Variants in FAM76A observed in about 807,000 individuals in gnomAD.
FAM76A encodes the protein family with sequence similarity 76 member A.
Under a neutral mutation model 46.2 loss-of-function variants are expected in FAM76A, and 32 were observed. The observed-to-expected ratio is 0.69, with a 90% CI of 0.52 to 0.93. The LOEUF is 0.93. FAM76A is among the 40% of genes least tolerant of loss of function. FAM76A has a pLI of 0.00. For synonymous variants in FAM76A, 137 were observed against 127.0 expected, an observed-to-expected ratio of 1.08 and a Z score of -0.53; for missense variants, 274 against 361.5, an observed-to-expected ratio of 0.76 and a Z score of 1.96.
chr1:27,754,854 G>A (rs1359769622), intron 6 of FAM76A, among the ~76,000 whole-genome samples: 1 of 152,168 alleles, frequency 6.6e-6, no homozygotes. Flanking sequence ...ACAAAAATTA[G>A]GATGGTTTTT....
intron 4 of FAM76A, 38 bp from the exon 5 acceptor site, chr1:27,744,616 A>G: frequency 6.2e-7 from 1 of 1,609,454 alleles, no homozygotes; most frequent in Non-Finnish European, 8.5e-7. Context: ...CACTGCGCTA[A>G]ATTCCCTCTT....
intron 7 of FAM76A, among the ~76,000 whole-genome samples, chr1:27,756,039 A>C (rs2088404520): frequency 6.6e-6 from 1 of 152,222 alleles, no homozygotes; most frequent in Non-Finnish European, 1.5e-5. Flanking sequence ...TAGAGTTGGG[A>C]CACGAGGAGG....
chr1:27,744,240 T>C (rs1169388888), intron 4 of FAM76A, among the ~76,000 whole-genome samples: 2 of 152,164 alleles, frequency 1.3e-5, no homozygotes, highest in Non-Finnish European at 2.9e-5. Context: ...GCGATTCTTC[T>C]GCCTCAGCCT....
chr1:27,740,587 T>TA (rs2088134666), intron 4 of FAM76A: 2 of 922,982 alleles, frequency 2.2e-6, no homozygotes, highest in Non-Finnish European at 3.4e-6. Flanking sequence ...TGTTAAGAAA[T>TA]ATATGTTCAG....
intron 4 of FAM76A, among the ~76,000 whole-genome samples, chr1:27,743,505 C>T (rs2088189981): frequency 6.6e-6 from 1 of 152,158 alleles, no homozygotes; most frequent in African/African-American, 2.4e-5. Context: ...TGGCTCACGC[C>T]TGTAAGTTCA....
intron 4 of FAM76A, chr1:27,739,894 A>G (rs1405253412): frequency 5.2e-6 from 1 of 193,644 alleles, no homozygotes; most frequent in Admixed American, 5.5e-5. Context: ...ATGAGAAACC[A>G]TTGGGTTTTA....
chr1:27,727,147 G>A (rs1190389145), intron 1 of FAM76A, among the ~76,000 whole-genome samples: 2 of 152,178 alleles, frequency 1.3e-5, no homozygotes, highest in South Asian at 2.1e-4. Context: ...CATTTCACAA[G>A]TAAACCGCAA....
Position 27,759,610 on chromosome 1 carries a change from G to C in FAM76A, c.820G>C (p.Val274Leu). The C allele has an allele frequency of 1.2e-6, 2 of 1,613,254 alleles. No homozygotes were observed. The highest frequency in any genetic ancestry group is 1.7e-6 in the Non-Finnish European group (2 of 1,179,554). The change falls in exon 8 of 9, where the codon GTC (valine) becomes CTC (leucine). Residue 274 changes from valine to leucine, a missense_variant. Transcript: ENST00000373954. ...MNQMEKTHKE[V>L]TEQLQAKNRE... Reference sequence around the variant, plus strand: ...CCAGATGGAGAAAACCCACAAAGAAGTCACAGAACAACTGCAGGTGACTGA... The same window carrying C: ...CCAGATGGAGAAAACCCACAAAGAACTCACAGAACAACTGCAGGTGACTGA...
At chr1:27,741,696 C>A (rs1341043748) in intron 4 of FAM76A, among the ~76,000 whole-genome samples, 2 of 151,850 alleles carry the variant, frequency 1.3e-5, no homozygotes, top group African/African-American at 4.8e-5. Context: ...GCCTGGCCAA[C>A]GTGGTGAAAC....
rs903975588 is a variant in FAM76A, at chr1:27,762,110, C to T, written c.*1529C>T. 3.3e-5 allele frequency: 5 copies of T among 152,208 alleles called. No homozygotes were observed. The highest frequency in any genetic ancestry group is 6.5e-5 in the Admixed American group (1 of 15,280). 9.4% of individuals were successfully genotyped at this position (152,208 alleles called of 1,614,324 possible). A position where few individuals can be genotyped will look rare whatever the true frequency, so the allele number is the denominator to read the frequency against. On this transcript the variant is annotated 3_prime_UTR_variant, in exon 9 of 9. Coordinates refer to ENST00000373954, the MANE Select transcript of FAM76A (RefSeq NM_152660.3). Reference sequence around the variant, plus strand: ...CCTCACCCACCCGAGCCCATACACTCCCTGCTTTTCATGGATATGTATTGA... The same window carrying T: ...CCTCACCCACCCGAGCCCATACACTTCCTGCTTTTCATGGATATGTATTGA...
chr1:27,757,728 C>G (rs112882842), intron 7 of FAM76A, among the ~76,000 whole-genome samples: 24,591 of 151,876 alleles, frequency 0.16, 5,178 homozygotes, highest in African/African-American at 0.48. Context: ...TGTAATCCCA[C>G]CATTTTGGGA....
intron 2 of FAM76A, among the ~76,000 whole-genome samples, chr1:27,729,290 C>G (rs2087916213): frequency 6.6e-6 from 1 of 151,890 alleles, no homozygotes; most frequent in African/African-American, 2.4e-5. Flanking sequence ...TCACTGCAAC[C>G]TCCCCTCTCC....
rs183454914 is a variant in FAM76A, at chr1:27,736,182, C to T, written c.354+1999C>T. On this transcript the variant is annotated intron_variant, in intron 4 of 8. Coordinates refer to ENST00000373954, the MANE Select transcript of FAM76A (RefSeq NM_152660.3). ...CAAAAATATAAAAAAATTAACCGGG[C>T]GTGGTGGCGCACACCTGTAATCCCA... 3.4e-3 allele frequency among the ~76,000 whole-genome samples: 517 copies of T among 152,038 alleles called. 3 individuals carry two copies. Among genetic ancestry groups the T allele is most frequent in the African/African-American group, 0.012 (487 of 41,484 alleles).
chr1:27,737,789 T>C (rs541397529), intron 4 of FAM76A, among the ~76,000 whole-genome samples: 64 of 127,176 alleles, frequency 5.0e-4, no homozygotes, highest in African/African-American at 1.7e-3. Context: ...GAGGCAGAGG[T>C]TGCAGTGAGC....
chr1:27,729,260 T>C (rs1176527879), intron 2 of FAM76A, among the ~76,000 whole-genome samples: 2 of 151,712 alleles, frequency 1.3e-5, no homozygotes, highest in Non-Finnish European at 1.5e-5. Flanking sequence ...CAAGCTGGAG[T>C]GCAGTGAGAT....
chr1:27,762,850 T>G lies in FAM76A; in HGVS notation c.*2269T>G, dbSNP rs1432213116. ...ACTTAGTTTTATACTAAATCTTTTT[T>G]TAAGGTCTTGGCATTTAATATAAAG... is the stretch of plus-strand genomic sequence containing the variant. On this transcript the variant is annotated 3_prime_UTR_variant, in exon 9 of 9. Transcript: ENST00000373954. The G allele has an allele frequency of 6.6e-6, 1 of 152,194 alleles. No homozygotes were observed. The highest frequency in any genetic ancestry group is 1.9e-4 in the East Asian group (1 of 5,192). The allele number at this position is 152,194 out of a possible 1,614,324, so 9.4% of individuals were successfully genotyped here.
At chr1:27,753,287 G>T (rs1204561946) in intron 6 of FAM76A, among the ~76,000 whole-genome samples, 2 of 152,208 alleles carry the variant, frequency 1.3e-5, no homozygotes, top group Non-Finnish European at 2.9e-5. Context: ...CCTCTCACAA[G>T]AAGCAGGAAG....
intron 3 of FAM76A, among the ~76,000 whole-genome samples, chr1:27,733,317 T>TA (rs2087990533): frequency 6.6e-6 from 1 of 152,320 alleles, no homozygotes; most frequent in East Asian, 1.9e-4. Flanking sequence ...CTCTTAGTGT[T>TA]ACAGTTCAGG....
In FAM76A at chr1:27,759,772, T is replaced by TTTTTTG; in HGVS notation, c.837+150_837+151insGTTTTT. 17 of 613,000 alleles carry TTTTTTG rather than the reference T, an allele frequency of 2.8e-5. No individual in the cohort carries two copies. The South Asian group carries it at 3.4e-4, about 12-fold the overall frequency. The allele number at this position is 613,000 out of a possible 1,614,324, so 38.0% of individuals were successfully genotyped here. A position where few individuals can be genotyped will look rare whatever the true frequency, so the allele number is the denominator to read the frequency against. ...ATGTTAATCCCCCTTTTAGGTTTTTTTTTTTTGTTTTTTTTTTGAGACAGG... is the reference window on the plus strand; with the variant it reads ...ATGTTAATCCCCCTTTTAGGTTTTTTTTTTTGTTTTTTGTTTTTTTTTTGAGACAGG... On this transcript the variant is annotated intron_variant, in intron 8 of 8. Coordinates refer to ENST00000373954, the MANE Select transcript of FAM76A (RefSeq NM_152660.3).
Sources: allele counts gnomAD v4.1 joint callset (sites outside exome capture counted in the v4.1 genomes callset), GRCh38; gene constraint gnomAD v4.1.1; transcripts MANE v1.5; gene names NCBI Gene and HGNC (gene_info 2026-07-23, HGNC 2026-07-21).